Variants in ATP2C2 observed in about 807,000 individuals in gnomAD.
ATP2C2 encodes ATPase secretory pathway Ca2+ transporting 2.
Under a neutral mutation model 110.8 loss-of-function variants are expected in ATP2C2, and 171 were observed. That is an observed-to-expected ratio of 1.54 (90% CI 1.36 to 1.75). The LOEUF (loss-of-function observed/expected upper bound fraction) is 1.75, where lower values mean the gene tolerates loss of function less well. ATP2C2 is among the 40% of genes most tolerant of loss of function. The probability of loss-of-function intolerance (pLI) is 0.00; values close to 1 mark genes in which losing one functional copy is unlikely to be tolerated. For missense variants in ATP2C2, 1,963 were observed against 1,235.0 expected (o/e 1.59, Z -8.84); for synonymous variants, 804 against 508.4 (o/e 1.58, Z -7.82).
intron 1 of ATP2C2, among the ~76,000 whole-genome samples, chr16:84,378,351 G>T (rs1047789952): frequency 6.6e-6 from 1 of 152,150 alleles, no homozygotes; most frequent in Non-Finnish European, 1.5e-5. Flanking sequence ...GATTTAGGCA[G>T]GTGTAATCTC....
rs114468261 is a variant in ATP2C2 at position 84,420,146 on chromosome 16, C to T, written c.625-2244C>T. Among the ~76,000 whole-genome samples, 475 of 152,246 alleles carry T rather than the reference C, an allele frequency of 3.1e-3. 6 individuals carry two copies. Among genetic ancestry groups the T allele is most frequent in the African/African-American group, 0.011 (455 of 41,534 alleles). On this transcript the variant is annotated intron_variant, in intron 7 of 26. Coordinates refer to ENST00000262429, the MANE Select transcript of ATP2C2 (RefSeq NM_014861.4). ...CCCTCCTCCCAGGCCTTTCCCCAGC[C>T]ACCTCTTCTCAGGGGCCTCCCTCCC...
At chr16:84,453,036 C>A in intron 18 of ATP2C2, 102 bp from the exon 19 acceptor site, 1 of 1,221,350 alleles carries the variant, frequency 8.2e-7, no homozygotes, top group Non-Finnish European at 1.2e-6. Context: ...CCGTCTCCAG[C>A]ATGGTTTTAT....
At chr16:84,430,312 A>G in intron 11 of ATP2C2, among the ~76,000 whole-genome samples, 1 of 152,142 alleles carries the variant, frequency 6.6e-6, no homozygotes, top group South Asian at 2.1e-4. Flanking sequence ...GCGAACGGCA[A>G]AGTTGCCAAG....
chr16:84,370,881 T>C (rs1316379141), intron 1 of ATP2C2, among the ~76,000 whole-genome samples: 5 of 152,122 alleles, frequency 3.3e-5, no homozygotes, highest in African/African-American at 9.7e-5. Context: ...GTGTCTTCTC[T>C]TGGGCCTCTT....
In ATP2C2 at chr16:84,388,718, C is replaced by T. The variant is rs115525210; in HGVS notation, c.100-9781C>T. Among the ~76,000 whole-genome samples the T allele has an allele frequency of 1.8e-3, 279 of 152,292 alleles. 2 individuals carry two copies. Among genetic ancestry groups the T allele is most frequent in the African/African-American group, 6.2e-3 (256 of 41,558 alleles). Reference sequence around the variant, plus strand: ...TTGCATTGATTCTCTCCAAAGGCATCGATCCCAATAATTACGTGCCCTATA... The same window carrying T: ...TTGCATTGATTCTCTCCAAAGGCATTGATCCCAATAATTACGTGCCCTATA... On this transcript the variant is annotated intron_variant, in intron 1 of 26. Transcript: ENST00000262429.
rs796140231 is a variant in ATP2C2, at chr16:84,412,287, CGTAT to C, written c.515+1525_515+1528del. On this transcript the variant is annotated intron_variant, in intron 6 of 26. Coordinates refer to ENST00000262429, the MANE Select transcript of ATP2C2 (RefSeq NM_014861.4). ...GTATGTATGTGTGTACGTGTGTGCACGTATGTGTGTGTGTGAGCATGTCTGCACG... is the reference window on the plus strand; with the variant it reads ...GTATGTATGTGTGTACGTGTGTGCACGTGTGTGTGTGAGCATGTCTGCACG... Among the ~76,000 whole-genome samples the C allele has an allele frequency of 1.0e-3, 68 of 68,002 alleles. 1 individual carries two copies. The highest frequency in any genetic ancestry group is 2.7e-3 in the African/African-American group (67 of 25,036). The allele number at this position is 68,002 out of a possible 152,430, so 44.6% of individuals were successfully genotyped here.
intron 7 of ATP2C2, among the ~76,000 whole-genome samples, 180 bp from the exon 8 acceptor site, chr16:84,422,210 G>A (rs1040668338): frequency 1.1e-4 from 16 of 152,038 alleles, no homozygotes; most frequent in African/African-American, 1.2e-4. Flanking sequence ...AAGAGAGGCC[G>A]CTCATTCAAA....
Position 84,405,361 on chromosome 16 carries a change from C to G in ATP2C2, c.327+117C>G, listed in dbSNP as rs182736147. 8.2e-6 allele frequency: 7 copies of G among 852,002 alleles called. No individual in the cohort carries two copies. In the East Asian group the frequency reaches 1.3e-4, roughly 16 times the overall value. 52.8% of individuals were successfully genotyped at this position (852,002 alleles called of 1,614,324 possible). On this transcript the variant is annotated intron_variant, in intron 3 of 26. Transcript: ENST00000262429. The stretch of plus-strand genomic sequence containing the variant: ...CCTTGGACAGCTCCCGCCCCTTTCA[C>G]GCTGCCCCAGCCAGCCTGAGCATCA...
chr16:84,422,614 C>T lies in ATP2C2; in HGVS notation c.775-15C>T. The T allele has an allele frequency of 6.2e-7, 1 of 1,611,212 alleles. No homozygotes were observed. Among genetic ancestry groups the T allele is most frequent in the Non-Finnish European group, 8.5e-7 (1 of 1,178,916 alleles). On this transcript the variant is annotated splice_polypyrimidine_tract_variant and intron_variant, in intron 8 of 26. Transcript: ENST00000262429. ...CAGCCCTTAGATTTCATACTTCTCT[C>T]TCTCCTGGACACAGGGGGTCGTGAT...
rs375455565 is a variant in ATP2C2, at chr16:84,382,869, G to A, written c.99+14155G>A. ...TGAGATCTTTTCACTGCATTCCAGCGTGGGCGACAGAGCAAGACTCCATCT... is the reference window on the plus strand; with the variant it reads ...TGAGATCTTTTCACTGCATTCCAGCATGGGCGACAGAGCAAGACTCCATCT... On this transcript the variant is annotated intron_variant, in intron 1 of 26. Coordinates refer to ENST00000262429, the MANE Select transcript of ATP2C2 (RefSeq NM_014861.4). Among the ~76,000 whole-genome samples, 71 of 148,118 alleles carry A rather than the reference G, an allele frequency of 4.8e-4. 2 individuals are homozygous for A. The South Asian group carries it at 0.014, about 30-fold the overall frequency.
At position 84,389,335 on chromosome 16, in the gene ATP2C2, C is replaced by T. The variant is rs145692007; in HGVS notation, c.100-9164C>T. Among the ~76,000 whole-genome samples, 926 of 152,324 alleles carry T rather than the reference C, an allele frequency of 6.1e-3. 12 individuals carry two copies. Among genetic ancestry groups the T allele is most frequent in the African/African-American group, 0.02 (829 of 41,576 alleles). ...ATTCCCCGCGATCTGCACTGGGGCC[C>T]GCCCATCTCCTTCGTTGTTAGCTGC... On this transcript the variant is annotated intron_variant, in intron 1 of 26. Transcript: ENST00000262429.
In ATP2C2 at chr16:84,410,699, G is replaced by T. The variant is rs900853343; in HGVS notation, c.454-5G>T. On this transcript the variant is annotated splice_region_variant and splice_polypyrimidine_tract_variant and intron_variant, in intron 5 of 26. Transcript: ENST00000262429. ...AAACAGCACATCTGATGTGCTTCCT[G>T]CCAGGAGTACAGGTCGGAGAAATCT... The T allele has an allele frequency of 8.1e-6, 13 of 1,614,112 alleles. No homozygotes were observed. The highest frequency in any genetic ancestry group is 6.8e-6 in the Non-Finnish European group (8 of 1,179,996).
chr16:84,428,056 T>C (rs1280102317), intron 11 of ATP2C2, among the ~76,000 whole-genome samples: 2 of 152,232 alleles, frequency 1.3e-5, no homozygotes, highest in African/African-American at 4.8e-5. Flanking sequence ...TAAACCATTA[T>C]TGCAAATGTG....
intron 11 of ATP2C2, among the ~76,000 whole-genome samples, chr16:84,437,632 C>G (rs1908863247): frequency 6.6e-6 from 1 of 152,216 alleles, no homozygotes; most frequent in South Asian, 2.1e-4. Flanking sequence ...TCTCCTGCCT[C>G]AGCCTCCTGA....
chr16:84,426,463 G>A (rs1014697028), intron 11 of ATP2C2, among the ~76,000 whole-genome samples: 6 of 152,070 alleles, frequency 3.9e-5, no homozygotes, highest in Admixed American at 3.3e-4. Context: ...TTTGCCTGTG[G>A]GTTTGGGTCT....
chr16:84,370,019 T>C lies in ATP2C2; in HGVS notation c.99+1305T>C, dbSNP rs138772040. On this transcript the variant is annotated intron_variant, in intron 1 of 26. Transcript: ENST00000262429. ...TTGCCATCACAGGTTGCCTTTCCTA[T>C]GTTGCCATTCCTGTTTTTTCCTTTC... Among the ~76,000 whole-genome samples the C allele has an allele frequency of 6.8e-3, 1,037 of 152,364 alleles. 8 individuals are homozygous for C. The highest frequency in any genetic ancestry group is 0.022 in the South Asian group (108 of 4,828).
intron 11 of ATP2C2, among the ~76,000 whole-genome samples, chr16:84,429,010 T>C (rs1030505521): frequency 6.6e-6 from 1 of 152,180 alleles, no homozygotes; most frequent in Admixed American, 6.5e-5. Context: ...CTAATGGCCC[T>C]GCGAAAGGGC....
intron 1 of ATP2C2, among the ~76,000 whole-genome samples, chr16:84,381,852 T>C (rs979543230): frequency 6.6e-6 from 1 of 152,200 alleles, no homozygotes; most frequent in Non-Finnish European, 1.5e-5. Context: ...AAAATCCCTG[T>C]AGAAATCTGA....
intron 1 of ATP2C2, among the ~76,000 whole-genome samples, chr16:84,382,932 G>A (rs1051887138): frequency 6.6e-6 from 1 of 151,060 alleles, no homozygotes. Flanking sequence ...GAAAGAAATG[G>A]CCAAGCCAGG....
Sources: allele counts gnomAD v4.1 joint callset (sites outside exome capture counted in the v4.1 genomes callset), GRCh38; gene constraint gnomAD v4.1.1; transcripts MANE v1.5; gene names NCBI Gene and HGNC (gene_info 2026-07-23, HGNC 2026-07-21).